The following STK40 variants were observed in gnomAD, a reference collection of about 807,000 sequenced individuals.
STK40 encodes the protein serine/threonine kinase 40.
STK40 carries 13 observed loss-of-function variants against 47.9 expected under a neutral mutation model. The ratio of observed to expected loss-of-function variants is 0.27; its 90% CI spans 0.18 to 0.43. The LOEUF (loss-of-function observed/expected upper bound fraction) is 0.43. Ranked by LOEUF, STK40 falls within the 20% of genes least tolerant of loss-of-function variation. The probability of loss-of-function intolerance (pLI) is 1.00; values close to 1 mark genes in which losing one functional copy is unlikely to be tolerated. For missense variants in STK40, 460 were observed against 595.1 expected (o/e 0.77, Z 2.36); for synonymous variants, 225 against 243.2 (o/e 0.93, Z 0.69).
chr1:36,358,230 G>A lies in STK40; in HGVS notation c.342+9C>T. On this transcript the variant is annotated intron_variant, in intron 4 of 10. Coordinates refer to ENST00000373132, the MANE Select transcript of STK40 (RefSeq NM_001282547.2). ...GTGAGCGCGAAGGGTGAGGGGGAAG[G>A]CCGCTCACCTGGAAGAGGCCGTGGT... is the stretch of plus-strand genomic sequence containing the variant. The A allele has an allele frequency of 6.3e-7, 1 of 1,576,304 alleles. No individual in the cohort carries two copies. The highest frequency in any genetic ancestry group is 8.7e-7 in the Non-Finnish European group (1 of 1,151,852).
In STK40 at chr1:36,385,830, C is replaced by G. The variant is rs1647082151; in HGVS notation, c.-116G>C. On this transcript the variant is annotated 5_prime_UTR_variant, in exon 1 of 11. Transcript: ENST00000373132. ...GGCCGGGCTGGAGGCGTGCGAGCCTCTCACCGCCGCCTCCCAGCGCAGCCA... is the reference window on the plus strand; with the variant it reads ...GGCCGGGCTGGAGGCGTGCGAGCCTGTCACCGCCGCCTCCCAGCGCAGCCA... The G allele has an allele frequency of 5.6e-6, 1 of 177,052 alleles. No homozygotes were observed. The highest frequency in any genetic ancestry group is 1.4e-4 in the South Asian group (1 of 7,252). The allele number at this position is 177,052 out of a possible 1,614,324, so 11.0% of individuals were successfully genotyped here.
chr1:36,357,996 T>TA (rs1214938745), intron 4 of STK40, among the ~76,000 whole-genome samples: 1 of 152,188 alleles, frequency 6.6e-6, no homozygotes, highest in Non-Finnish European at 1.5e-5. Flanking sequence ...TGGCTGCTGT[T>TA]AAGATGCAAA....
chr1:36,377,085 G>A (rs1646998142), intron 1 of STK40, among the ~76,000 whole-genome samples: 1 of 151,956 alleles, frequency 6.6e-6, no homozygotes, highest in African/African-American at 2.4e-5. Context: ...AGAAATTTAA[G>A]TGGACACCTC....
At chr1:36,362,389 G>C (rs1553137556) in intron 1 of STK40, among the ~76,000 whole-genome samples, 1 of 152,178 alleles carries the variant, frequency 6.6e-6, no homozygotes, top group Non-Finnish European at 1.5e-5. Context: ...TACAGGAGTG[G>C]GCCAGGCAAG....
chr1:36,356,002 GT>G (rs1646800603), intron 4 of STK40, among the ~76,000 whole-genome samples: 1 of 152,156 alleles, frequency 6.6e-6, no homozygotes, highest in South Asian at 2.1e-4. Context: ...ATGGCTAAGA[GT>G]GACTCTGACC....
intron 7 of STK40, among the ~76,000 whole-genome samples, chr1:36,348,153 A>C (rs902436547): frequency 6.6e-6 from 1 of 152,262 alleles, no homozygotes; most frequent in African/African-American, 2.4e-5. Context: ...ACAAACTCAC[A>C]GCAGCACACT....
intron 7 of STK40, 92 bp from the exon 8 acceptor site, chr1:36,344,356 C>T: frequency 2.0e-6 from 3 of 1,471,320 alleles, no homozygotes. Flanking sequence ...CCACCTGCCA[C>T]CCTCACTTCC....
At chr1:36,370,714 T>C (rs1570460704) in intron 1 of STK40, among the ~76,000 whole-genome samples, 1 of 152,140 alleles carries the variant, frequency 6.6e-6, no homozygotes, top group African/African-American at 2.4e-5. Flanking sequence ...TTTTTACACA[T>C]GGCTTTATAG....
chr1:36,366,228 CACAG>C lies in STK40; in HGVS notation c.-8-4892_-8-4889del, dbSNP rs1031756940. Among the ~76,000 whole-genome samples, 6 of 152,316 alleles carry C rather than the reference CACAG, an allele frequency of 3.9e-5. No homozygotes were observed. In the East Asian group the frequency reaches 7.7e-4, roughly 20 times the overall value. On this transcript the variant is annotated intron_variant, in intron 1 of 10. Coordinates refer to ENST00000373132, the MANE Select transcript of STK40 (RefSeq NM_001282547.2). ...AACAGTTTGCAGGGAGCAGCTGCAGCACAGACAATCAGTGGGCTCAGCCTGACCC... is the reference window on the plus strand; with the variant it reads ...AACAGTTTGCAGGGAGCAGCTGCAGCACAATCAGTGGGCTCAGCCTGACCC...
In STK40 at chr1:36,343,940, C is replaced by T; in HGVS notation, c.924G>A (p.Arg308=). Residue 308 remains arginine, a synonymous_variant, in exon 9 of 11, where the codon CGG becomes CGA. Coordinates refer to ENST00000373132, the MANE Select transcript of STK40 (RefSeq NM_001282547.2). The part of the protein sequence containing the change: ...RVSENTVCLI[R]KLLVLDPQQR... ...GCTGGGGGTCAAGGACCAGCAGCTT[C>T]CGGATGAGACACACGGTGTTCTCAG... 1 of 1,608,374 alleles carries T rather than the reference C, an allele frequency of 6.2e-7. No individual in the cohort carries two copies.
chr1:36,382,836 G>A (rs754518799), intron 1 of STK40, among the ~76,000 whole-genome samples: 4 of 152,120 alleles, frequency 2.6e-5, no homozygotes, highest in Admixed American at 6.5e-5. Flanking sequence ...TATTACGAAG[G>A]TACTCTTATT....
chr1:36,353,687 G>C (rs1177303583), intron 6 of STK40, among the ~76,000 whole-genome samples: 6 of 152,200 alleles, frequency 3.9e-5, no homozygotes, highest in Non-Finnish European at 7.3e-5. Context: ...GATTGCTGTG[G>C]GGGCACAAAG....
At position 36,357,465 on chromosome 1, in the gene STK40, T is replaced by C. The variant is rs1004202698; in HGVS notation, c.342+774A>G. Among the ~76,000 whole-genome samples the C allele has an allele frequency of 3.9e-5, 6 of 152,202 alleles. No individual in the cohort carries two copies. The South Asian group carries it at 1.0e-3, about 26-fold the overall frequency. Reference sequence around the variant, plus strand: ...GAACCCAACTCTTCATTTCTGGAGATACAACTTCAGTGCTGCCCCAAGAAT... The same window carrying C: ...GAACCCAACTCTTCATTTCTGGAGACACAACTTCAGTGCTGCCCCAAGAAT... On this transcript the variant is annotated intron_variant, in intron 4 of 10. Transcript: ENST00000373132.
At chr1:36,382,909 G>C (rs1647052243) in intron 1 of STK40, among the ~76,000 whole-genome samples, 1 of 152,192 alleles carries the variant, frequency 6.6e-6, no homozygotes, top group Non-Finnish European at 1.5e-5. Context: ...GTGACCAGCA[G>C]GGATAGAAGT....
chr1:36,345,991 A>ATTTTTTT lies in STK40; in HGVS notation c.740-1734_740-1728dup, dbSNP rs143130232. Among the ~76,000 whole-genome samples the ATTTTTTT allele has an allele frequency of 9.1e-4, 24 of 26,466 alleles. 2 individuals are homozygous for ATTTTTTT. Among genetic ancestry groups the ATTTTTTT allele is most frequent in the African/African-American group, 2.7e-3 (19 of 7,144 alleles). The allele number at this position is 26,466 out of a possible 152,430, so 17.4% of individuals were successfully genotyped here. ...TACATATATATATATATATATATAT[A>ATTTTTTT]TTTTTTTTTTTTTTTTTTCCTGAGA... On this transcript the variant is annotated intron_variant, in intron 7 of 10. Transcript: ENST00000373132.
At chr1:36,352,373 C>A (rs1348996025) in intron 6 of STK40, among the ~76,000 whole-genome samples, 1 of 152,226 alleles carries the variant, frequency 6.6e-6, no homozygotes, top group Non-Finnish European at 1.5e-5. Flanking sequence ...TCAGGCCAAT[C>A]TTCCCAGGAA....
At position 36,350,212 on chromosome 1, in the gene STK40, C is replaced by T. The variant is rs556126868; in HGVS notation, c.624-1397G>A. 4.6e-5 allele frequency among the ~76,000 whole-genome samples: 7 copies of T among 152,334 alleles called. No individual in the cohort carries two copies. In the East Asian group the frequency reaches 5.8e-4, roughly 13 times the overall value. Reference sequence around the variant, plus strand: ...GGCCCGCAGGCGGCTAGAGCCTGATCGCACAGGTGAAGGGTCACTGCAAAG... The same window carrying T: ...GGCCCGCAGGCGGCTAGAGCCTGATTGCACAGGTGAAGGGTCACTGCAAAG... On this transcript the variant is annotated intron_variant, in intron 6 of 10. Transcript: ENST00000373132.
intron 6 of STK40, among the ~76,000 whole-genome samples, chr1:36,351,709 G>A (rs1646760465): frequency 8.3e-6 from 1 of 119,788 alleles, no homozygotes; most frequent in Non-Finnish European, 1.9e-5. Context: ...GGCGTATGCA[G>A]GGAGGTGCGA....
rs200128785 is a variant in STK40 at position 36,361,226 on chromosome 1, A to G, written c.107T>C (p.Ile36Thr). ...GNNAKRAGPF[I>T]LGPRLGNSPV... ...CCCAAAGGTCAGAGGCTTACCAAGG[A>G]TGAATGGTCCAGCTCTCTTTGCATT... The change falls in exon 2 of 11, where the codon ATC (isoleucine) becomes ACC (threonine). Residue 36 changes from isoleucine to threonine, a missense_variant. Transcript: ENST00000373132. The G allele has an allele frequency of 7.6e-5, 122 of 1,614,038 alleles. No individual in the cohort carries two copies. Among genetic ancestry groups the G allele is most frequent in the Non-Finnish European group, 1.8e-5 (21 of 1,180,022 alleles).
Sources: gnomAD v4.1 joint callset for allele counts (sites outside exome capture counted in the v4.1 genomes callset) on GRCh38, gnomAD v4.1.1 for gene constraint, MANE v1.5 for transcripts, NCBI Gene and HGNC (gene_info 2026-07-23, HGNC 2026-07-21) for gene names.